Variants in C11orf65 observed in about 807,000 individuals in gnomAD.
The protein encoded by C11orf65 is chromosome 11 open reading frame 65.
C11orf65 carries 38 observed loss-of-function variants against 35.3 expected under a neutral mutation model. The observed-to-expected ratio is 1.08, with a 90% CI of 0.83 to 1.41. The LOEUF (loss-of-function observed/expected upper bound fraction) is 1.41. Among genes scored for constraint, C11orf65 ranks in the 40% most tolerant of loss-of-function variants. The pLI is 0.00. For synonymous variants in C11orf65, 105 were observed against 114.4 expected (o/e 0.92, Z 0.53); for missense variants, 370 against 367.1 (o/e 1.01, Z -0.06).
chr11:108,337,420 G>A (rs1474861802), intron 2 of C11orf65, among the ~76,000 whole-genome samples: 1 of 152,256 alleles, frequency 6.6e-6, no homozygotes, highest in African/African-American at 2.4e-5. Context: ...TTTCTTTGAT[G>A]TGGTTAAGAT....
intron 2 of C11orf65, among the ~76,000 whole-genome samples, chr11:108,370,369 A>G (rs1487104419): frequency 5.3e-5 from 8 of 151,674 alleles, no homozygotes; most frequent in Non-Finnish European, 1.5e-5. Flanking sequence ...CATATCATCT[A>G]TGAGTAATGT....
At chr11:108,414,888 A>G (rs1168660522) in intron 3 of C11orf65, among the ~76,000 whole-genome samples, 2 of 152,220 alleles carry the variant, frequency 1.3e-5, no homozygotes, top group Non-Finnish European at 2.9e-5. Flanking sequence ...TTTATTTTGC[A>G]AGGCCACTAT....
chr11:108,449,221 A>G (rs866752495), intron 2 of C11orf65, among the ~76,000 whole-genome samples: 18 of 152,240 alleles, frequency 1.2e-4, no homozygotes, highest in African/African-American at 3.6e-4. Context: ...AAGGTAATTT[A>G]TAGATTCAAT....
intron 3 of C11orf65, among the ~76,000 whole-genome samples, chr11:108,423,150 T>C (rs1591521474): frequency 6.6e-6 from 1 of 152,082 alleles, no homozygotes; most frequent in Admixed American, 6.5e-5. Flanking sequence ...AAGCACAAAA[T>C]TGAGCAGCCC....
At chr11:108,393,488 G>A in intron 6 of C11orf65, 110 bp from the exon 7 acceptor site, 2 of 1,036,142 alleles carry the variant, frequency 1.9e-6, no homozygotes, top group South Asian at 3.5e-5. Context: ...TTTGCATATT[G>A]AATAAAGTTT....
intron 2 of C11orf65, among the ~76,000 whole-genome samples, chr11:108,357,646 C>T (rs1222489294): frequency 1.6e-4 from 24 of 152,210 alleles, no homozygotes; most frequent in Admixed American, 2.6e-4. Context: ...CCCTGACCCC[C>T]GAGCAGCCTA....
Position 108,315,830 on chromosome 11 carries a change from T to TC in C11orf65, c.641-6760dup, listed in dbSNP as rs1438576066. On this transcript the variant is annotated intron_variant, in intron 6 of 6. Coordinates refer to the C11orf65 transcript ENST00000525729. ...TTGTTTCCATGTTTTCAGGATCTTC[T>TC]CTTAGAAATCTACAGAAGTATAGGG... 3 of 1,611,624 alleles carry TC rather than the reference T, an allele frequency of 1.9e-6. No homozygotes were observed. The highest frequency in any genetic ancestry group is 2.5e-6 in the Non-Finnish European group (3 of 1,177,822).
chr11:108,337,939 C>T (rs2087033690), intron 2 of C11orf65, among the ~76,000 whole-genome samples: 1 of 152,236 alleles, frequency 6.6e-6, no homozygotes, highest in Admixed American at 6.5e-5. Flanking sequence ...CACAAAAAAG[C>T]AAATGCCTGA....
downstream of C11orf65, among the ~76,000 whole-genome samples, chr11:108,379,799 C>T (rs1331606845): frequency 6.6e-6 from 1 of 152,034 alleles, no homozygotes; most frequent in African/African-American, 2.4e-5. Context: ...AGCTGCTTTA[C>T]TTTCTTACTC....
rs111635941 is a variant in C11orf65 at position 108,317,667 on chromosome 11, A to T, written c.641-8596T>A. The T allele has an allele frequency of 1.9e-4, 45 of 231,366 alleles. 1 individual carries two copies. Among genetic ancestry groups the T allele is most frequent in the Middle Eastern group, 1.5e-3 (1 of 666 alleles). The allele number at this position is 231,366 out of a possible 1,614,324, so 14.3% of individuals were successfully genotyped here. A position where few individuals can be genotyped will look rare whatever the true frequency, so the allele number is the denominator to read the frequency against. On this transcript the variant is annotated intron_variant, in intron 6 of 6. Coordinates refer to the C11orf65 transcript ENST00000525729. Reference sequence around the variant, plus strand: ...TATATATATATACACACACACACACACACACACTATATATATATACATACC... The same window carrying T: ...TATATATATATACACACACACACACTCACACACTATATATATATACATACC...
chr11:108,416,814 A>C (rs1381848145), intron 3 of C11orf65, among the ~76,000 whole-genome samples: 1 of 152,212 alleles, frequency 6.6e-6, no homozygotes, highest in Non-Finnish European at 1.5e-5. Flanking sequence ...GCAAAATGGC[A>C]CAGCCACTTT....
chr11:108,329,101 A>T (rs1591150977), downstream of C11orf65: 1 of 1,614,170 alleles, frequency 6.2e-7, no homozygotes, highest in Non-Finnish European at 8.5e-7. Context: ...TTCTCTCATT[A>T]GCCCGGTTTT....
rs191189927 is a variant in C11orf65 at position 108,461,681 on chromosome 11, G to A, written c.-9-113C>T. Reference sequence around the variant, plus strand: ...CTTGCTCTGTCACCCAAGCTGGAGTGCAGTGGTGCGATGATAGCTCACTGT... The same window carrying A: ...CTTGCTCTGTCACCCAAGCTGGAGTACAGTGGTGCGATGATAGCTCACTGT... On this transcript the variant is annotated intron_variant, in intron 1 of 8. Coordinates refer to ENST00000393084, the MANE Select transcript of C11orf65 (RefSeq NM_152587.5). 4.0e-5 allele frequency: 27 copies of A among 674,038 alleles called. No individual in the cohort carries two copies. In the African/African-American group the frequency reaches 4.8e-4, roughly 12 times the overall value. 41.8% of individuals were successfully genotyped at this position (674,038 alleles called of 1,614,324 possible).
chr11:108,446,785 T>C (rs1424507292), intron 2 of C11orf65, among the ~76,000 whole-genome samples: 1 of 152,068 alleles, frequency 6.6e-6, no homozygotes, highest in African/African-American at 2.4e-5. Flanking sequence ...CATAACAATA[T>C]TAACTTTAAA....
intron 2 of C11orf65, among the ~76,000 whole-genome samples, chr11:108,460,061 G>A (rs1226582509): frequency 2.0e-5 from 3 of 152,074 alleles, no homozygotes; most frequent in Non-Finnish European, 4.4e-5. Context: ...TTGAGCCCAG[G>A]AGTTTGAGAC....
At chr11:108,348,729 C>A (rs904854402) in intron 2 of C11orf65, among the ~76,000 whole-genome samples, 8 of 151,912 alleles carry the variant, frequency 5.3e-5, no homozygotes, top group Non-Finnish European at 8.8e-5. Context: ...AAGAAATTCT[C>A]AGAAAATAAT....
chr11:108,382,938 C>T lies in C11orf65; in HGVS notation c.*83G>A. 1.3e-6 allele frequency: 2 copies of T among 1,573,486 alleles called. No individual in the cohort carries two copies. The highest frequency in any genetic ancestry group is 1.7e-6 in the Non-Finnish European group (2 of 1,168,756). ...GCCCAGAATATATACACAAGTTATTCCAGTCAGAATACACTATCTCTTGGC... is the reference window on the plus strand; with the variant it reads ...GCCCAGAATATATACACAAGTTATTTCAGTCAGAATACACTATCTCTTGGC... On this transcript the variant is annotated 3_prime_UTR_variant, in exon 9 of 9. Coordinates refer to ENST00000393084, the MANE Select transcript of C11orf65 (RefSeq NM_152587.5).
intron 6 of C11orf65, chr11:108,317,615 T>TTATATATACATA (rs1555115020): frequency 4.7e-6 from 1 of 211,244 alleles, no homozygotes; most frequent in Non-Finnish European, 8.5e-6. Context: ...AGGAGTTGTT[T>TTATATATACATA]TATATATATA....
intron 2 of C11orf65, among the ~76,000 whole-genome samples, chr11:108,344,149 A>G (rs12286263): frequency 0.057 from 8,703 of 152,204 alleles, 807 homozygotes; most frequent in African/African-American, 0.2. Context: ...GTTTTTTAAA[A>G]TGTGTGATAA....
Sources: gnomAD v4.1 joint callset for allele counts (sites outside exome capture counted in the v4.1 genomes callset) on GRCh38, gnomAD v4.1.1 for gene constraint, MANE v1.5 for transcripts, NCBI Gene and HGNC (gene_info 2026-07-23, HGNC 2026-07-21) for gene names.